Variants in POT1 observed in about 807,000 individuals in gnomAD.
POT1 encodes the protein protection of telomeres protein 1.
POT1 carries 47 observed loss-of-function variants against 78.5 expected under a neutral mutation model. That is an observed-to-expected ratio of 0.60 (90% CI 0.47 to 0.76). The LOEUF (loss-of-function observed/expected upper bound fraction) is 0.76. Ranked by LOEUF, POT1 falls within the 30% of genes least tolerant of loss-of-function variation. The probability of loss-of-function intolerance (pLI) is 0.00; values close to 1 mark genes in which losing one functional copy is unlikely to be tolerated. For missense variants in POT1, 646 were observed against 749.9 expected (o/e 0.86, Z 1.62); for synonymous variants, 259 against 260.7 (o/e 0.99, Z 0.06).
intron 11 of POT1, among the ~76,000 whole-genome samples, chr7:124,851,414 TAGA>T (rs1795303404): frequency 6.6e-6 from 1 of 152,180 alleles, no homozygotes; most frequent in Non-Finnish European, 1.5e-5. Flanking sequence ...CAGACAATAT[TAGA>T]AGGACATATC....
At chr7:124,877,282 T>G (rs185502784) in intron 6 of POT1, among the ~76,000 whole-genome samples, 16 of 152,300 alleles carry the variant, frequency 1.1e-4, no homozygotes, top group Admixed American at 2.0e-4. Flanking sequence ...TTATAAAACC[T>G]GACAAAACTA....
At position 124,892,133 on chromosome 7, in the gene POT1, TGCATCA is replaced by T. The variant is rs1227351355; in HGVS notation, c.124+127_124+132del. 16 of 542,106 alleles carry T rather than the reference TGCATCA, an allele frequency of 3.0e-5. No individual in the cohort carries two copies. The African/African-American group carries it at 3.0e-4, about 10-fold the overall frequency. 33.6% of individuals were successfully genotyped at this position (542,106 alleles called of 1,614,324 possible). On this transcript the variant is annotated intron_variant, in intron 6 of 18. Transcript: ENST00000357628. Reference sequence around the variant, plus strand: ...TACAAATTAAACTAGCCAAAGAATATGCATCAGTGTTGTTTGGCAATTATAGGTCAG... The same window carrying T: ...TACAAATTAAACTAGCCAAAGAATATGTGTTGTTTGGCAATTATAGGTCAG...
chr7:124,902,400 C>G (rs1004825646), intron 3 of POT1, among the ~76,000 whole-genome samples: 2 of 152,106 alleles, frequency 1.3e-5, no homozygotes, highest in Non-Finnish European at 2.9e-5. Flanking sequence ...AATTTTCAAC[C>G]CAGAATTTCA....
Position 124,841,211 on chromosome 7 carries a change from G to T in POT1, c.1164-33C>A, listed in dbSNP as rs765144413. The T allele has an allele frequency of 1.5e-5, 24 of 1,549,162 alleles. No individual in the cohort carries two copies. The South Asian group carries it at 2.6e-4, about 17-fold the overall frequency. On this transcript the variant is annotated intron_variant, in intron 13 of 18. Transcript: ENST00000357628. The stretch of plus-strand genomic sequence containing the variant: ...TATTGGCAATGAAATGATAGAAATC[G>T]ATTTTGGTGTAAGCGTGAAGATTTC...
chr7:124,866,498 T>C (rs1272758890), intron 7 of POT1, among the ~76,000 whole-genome samples: 2 of 152,194 alleles, frequency 1.3e-5, no homozygotes, highest in Non-Finnish European at 2.9e-5. Context: ...CCCTGCTCTG[T>C]GCAGCCTGGC....
intron 15 of POT1, 26 bp downstream of exon 15, chr7:124,835,251 CAA>C (rs769740650): frequency 5.0e-6 from 8 of 1,605,010 alleles, no homozygotes; most frequent in Admixed American, 3.4e-5. Context: ...ATAAACAAAA[CAA>C]AACAAAACAA....
chr7:124,842,998 A>G (rs1795068002), intron 12 of POT1, 35 bp from the exon 13 acceptor site: 12 of 1,430,326 alleles, frequency 8.4e-6, no homozygotes, highest in African/African-American at 1.5e-5. Context: ...CAGAATAACA[A>G]GAATCATATT....
At chr7:124,837,258 G>A in intron 14 of POT1, 1 of 216,986 alleles carries the variant, frequency 4.6e-6, no homozygotes. Context: ...CTAGTACAGT[G>A]CCTGACACAT....
intron 2 of POT1, among the ~76,000 whole-genome samples, chr7:124,916,467 A>T (rs1179094725): frequency 6.6e-6 from 1 of 152,204 alleles, no homozygotes. Context: ...CCCATCAGAG[A>T]GTTGAGGTCA....
rs754981355 is a variant in POT1 at position 124,824,064 on chromosome 7, C to T, written c.1803G>A (p.Pro601=). 56 of 1,592,806 alleles carry T rather than the reference C, an allele frequency of 3.5e-5. No homozygotes were observed. Among genetic ancestry groups the T allele is most frequent in the Non-Finnish European group, 4.4e-5 (51 of 1,165,318 alleles). ...ATGACTTGATGAAGCATTCCAACCA[C>T]GGATATGCATCTACAAAAACAAAAA... ...CPPGIKIDAY[P]WLECFIKSYN... Residue 601 remains proline, a synonymous_variant, in exon 19 of 19, where the codon CCG becomes CCA. Transcript: ENST00000357628.
At chr7:124,842,138 G>GCATATAAC (rs1229244807) in intron 13 of POT1, among the ~76,000 whole-genome samples, 12 of 151,944 alleles carry the variant, frequency 7.9e-5, no homozygotes, top group Admixed American at 3.9e-4. Flanking sequence ...GCATCCAAAT[G>GCATATAAC]CATATAACCA....
chr7:124,903,171 G>A (rs200030550), intron 3 of POT1, among the ~76,000 whole-genome samples: 39 of 152,168 alleles, frequency 2.6e-4, no homozygotes, highest in East Asian at 2.1e-3. Context: ...TGCACCAAGC[G>A]GACCTAATAG....
chr7:124,870,096 G>A (rs1422342239), intron 7 of POT1, among the ~76,000 whole-genome samples: 1 of 151,914 alleles, frequency 6.6e-6, no homozygotes, highest in Non-Finnish European at 1.5e-5. Flanking sequence ...GAGGTTACAT[G>A]GAAACCCATG....
intron 9 of POT1, among the ~76,000 whole-genome samples, chr7:124,853,824 T>C (rs553431941): frequency 6.6e-6 from 1 of 152,082 alleles, no homozygotes; most frequent in Non-Finnish European, 1.5e-5. Context: ...TATAGACCAC[T>C]GAGATTTTTC....
intron 3 of POT1, among the ~76,000 whole-genome samples, chr7:124,905,204 C>T (rs779812342): frequency 1.1e-4 from 17 of 152,190 alleles, no homozygotes; most frequent in Admixed American, 7.2e-4. Context: ...CAAAGCTGGA[C>T]GCATCACACT....
chr7:124,860,084 T>C (rs539886531), intron 8 of POT1, among the ~76,000 whole-genome samples: 2 of 152,050 alleles, frequency 1.3e-5, no homozygotes, highest in Admixed American at 1.3e-4. Flanking sequence ...CTAGCTCCTC[T>C]GTTATTAAAA....
Position 124,863,673 on chromosome 7 carries a change from CAAAT to C in POT1, c.256-37_256-34del, listed in dbSNP as rs754271835. The C allele has an allele frequency of 4.0e-6, 6 of 1,498,588 alleles. No individual in the cohort carries two copies. The highest frequency in any genetic ancestry group is 4.6e-6 in the Non-Finnish European group (5 of 1,098,412). 92.8% of individuals were successfully genotyped at this position (1,498,588 alleles called of 1,614,324 possible). A position where few individuals can be genotyped will look rare whatever the true frequency, so the allele number is the denominator to read the frequency against. On this transcript the variant is annotated intron_variant, in intron 7 of 18. Transcript: ENST00000357628. ...AGTAGGGCAAAGTAGAAAACAGATA[CAAAT>C]AAAATAGCTTACTGATGCACAACCT...
chr7:124,891,415 G>A (rs6966415), intron 6 of POT1, among the ~76,000 whole-genome samples: 90,753 of 150,580 alleles, frequency 0.6, 27,392 homozygotes, highest in African/African-American at 0.65. Flanking sequence ...TTAAATCTAA[G>A]GTGAGTTTTT....
At chr7:124,829,030 TAAGGCATAGGGG>T (rs1450644013) in intron 16 of POT1, 1 of 730,672 alleles carries the variant, frequency 1.4e-6, no homozygotes, top group Non-Finnish European at 2.5e-6. Context: ...AACAAAATAG[TAAGGCATAGGGG>T]AAAGTATGTG....
Sources: allele counts gnomAD v4.1 joint callset (sites outside exome capture counted in the v4.1 genomes callset), GRCh38; gene constraint gnomAD v4.1.1; transcripts MANE v1.5; gene names NCBI Gene and HGNC (gene_info 2026-07-23, HGNC 2026-07-21).